ANK3: variants seen among roughly 807,000 people sequenced by gnomAD.
ANK3 encodes ankyrin 3, also known as ankyrin-3.
A neutral mutation model predicts 370.9 loss-of-function variants in ANK3; 57 were observed. That is an observed-to-expected ratio of 0.15 (90% CI 0.12 to 0.19). The LOEUF (loss-of-function observed/expected upper bound fraction) is 0.19. ANK3 is among the 10% of genes least tolerant of loss of function. The probability of loss-of-function intolerance (pLI) is 1.00; values close to 1 mark genes in which losing one functional copy is unlikely to be tolerated. For missense variants in ANK3, 4,439 were observed against 5,302.1 expected (o/e 0.84, Z 5.06); for synonymous variants, 1,929 against 1,946.3 (o/e 0.99, Z 0.23).
chr10:60,517,448 T>C (rs1225188599), intron 2 of ANK3, among the ~76,000 whole-genome samples: 1 of 152,114 alleles, frequency 6.6e-6, no homozygotes, highest in Non-Finnish European at 1.5e-5. Context: ...ATCCTGAACA[T>C]GCTCCATCTC....
intron 1 of ANK3, among the ~76,000 whole-genome samples, chr10:60,302,663 C>A (rs1377655626): frequency 6.6e-6 from 1 of 152,070 alleles, no homozygotes; most frequent in Non-Finnish European, 1.5e-5. Flanking sequence ...ACGCTGGCAG[C>A]AAATAGTAAA....
At chr10:60,492,564 G>A (rs370855988) in intron 2 of ANK3, among the ~76,000 whole-genome samples, 49 of 151,402 alleles carry the variant, frequency 3.2e-4, no homozygotes, top group Admixed American at 1.2e-3. Flanking sequence ...AAAATTAGCC[G>A]GGCATGGTGG....
chr10:60,182,063 A>AT (rs1372192474), intron 17 of ANK3, among the ~76,000 whole-genome samples: 1 of 151,362 alleles, frequency 6.6e-6, no homozygotes, highest in East Asian at 1.9e-4. Context: ...TTCAGTGTTC[A>AT]TCTACAAAAA....
At chr10:60,091,811 A>G (rs748369042) in intron 28 of ANK3, among the ~76,000 whole-genome samples, 11 of 151,954 alleles carry the variant, frequency 7.2e-5, no homozygotes, top group Non-Finnish European at 1.2e-4. Context: ...ACTCACTGCA[A>G]GCTCTGCCTC....
chr10:60,076,469 T>A, intron 36 of ANK3, 21 bp from the exon 37 acceptor site: 4 of 1,536,610 alleles, frequency 2.6e-6, no homozygotes, highest in Non-Finnish European at 3.5e-6. Flanking sequence ...AATTTTAAAA[T>A]GAAATCAAAC....
At position 60,270,160 on chromosome 10, in the gene ANK3, T is replaced by G. The variant is rs1223157870; in HGVS notation, c.484A>C (p.Asn162His). ...HLEVVKFLLD[N>H]GASQSLATED... ...GTGGCTAGGCTCTGGCTTGCACCATTGTCAAGAAGAAACTTGACAACTTCC... is the reference window on the plus strand; with the variant it reads ...GTGGCTAGGCTCTGGCTTGCACCATGGTCAAGAAGAAACTTGACAACTTCC... Residue 162 changes from asparagine to histidine, a missense_variant, in exon 5 of 44, where the codon AAT (asparagine) becomes CAT (histidine). Coordinates refer to ENST00000280772, the MANE Select transcript of ANK3 (RefSeq NM_020987.5). 6.3e-7 allele frequency: 1 copy of G among 1,599,102 alleles called. No homozygotes were observed.
intron 1 of ANK3, among the ~76,000 whole-genome samples, chr10:60,334,640 T>A (rs983679490): frequency 6.6e-6 from 1 of 152,144 alleles, no homozygotes; most frequent in Non-Finnish European, 1.5e-5. Flanking sequence ...AGTTTTCTAA[T>A]GTAAGATGAT....
At chr10:60,506,256 G>A (rs145780000) in intron 2 of ANK3, among the ~76,000 whole-genome samples, 167 of 152,060 alleles carry the variant, frequency 1.1e-3, no homozygotes, top group Middle Eastern at 6.8e-3. Flanking sequence ...CTCCTACAAG[G>A]GAAGCAACTC....
chr10:60,240,269 T>TAC (rs2097427097), intron 7 of ANK3, among the ~76,000 whole-genome samples: 1 of 125,112 alleles, frequency 8.0e-6, no homozygotes. Context: ...TACACATATA[T>TAC]ATACACACAC....
intron 37 of ANK3, 22 bp downstream of exon 37, chr10:60,068,615 A>C (rs1467574229): frequency 6.3e-7 from 1 of 1,576,586 alleles, no homozygotes; most frequent in Non-Finnish European, 8.6e-7. Flanking sequence ...TGCTCGAGAG[A>C]CCTGACTGCC....
chr10:60,313,729 CAA>C, intron 1 of ANK3, among the ~76,000 whole-genome samples: 1 of 152,230 alleles, frequency 6.6e-6, no homozygotes, highest in East Asian at 1.9e-4. Context: ...TTAGCAAAAA[CAA>C]AAAGTCCCAA....
chr10:60,439,157 C>T lies in ANK3; in HGVS notation c.97-159518G>A, dbSNP rs548624736. ...AAGAAATGATAGATTATCTAGGAGC[C>T]TTTCAAGGTGAATTTTGATGAGCCT... On this transcript the variant is annotated intron_variant, in intron 2 of 43. Coordinates refer to the ANK3 transcript ENST00000373827. Among the ~76,000 whole-genome samples, 66 of 152,226 alleles carry T rather than the reference C, an allele frequency of 4.3e-4. 1 individual carries two copies. The highest frequency in any genetic ancestry group is 1.3e-3 in the African/African-American group (53 of 41,538).
At chr10:60,209,296 A>G (rs1294736422) in intron 9 of ANK3, among the ~76,000 whole-genome samples, 5 of 152,210 alleles carry the variant, frequency 3.3e-5, no homozygotes, top group African/African-American at 1.2e-4. Context: ...TGACAGATCA[A>G]ATATGTACCA....
chr10:60,381,867 G>A lies in ANK3; in HGVS notation c.114+7558C>T, dbSNP rs1187939875. Among the ~76,000 whole-genome samples, 4 of 152,240 alleles carry A rather than the reference G, an allele frequency of 2.6e-5. 1 individual carries two copies. Among genetic ancestry groups the A allele is most frequent in the Admixed American group, 2.6e-4 (4 of 15,292 alleles). Reference sequence around the variant, plus strand: ...AGCTAATTAGTAGCAGCTTCTCTGTGAACTCACATTGAGCCTCAAGGCCCA... The same window carrying A: ...AGCTAATTAGTAGCAGCTTCTCTGTAAACTCACATTGAGCCTCAAGGCCCA... On this transcript the variant is annotated intron_variant, in intron 1 of 43. Transcript: ENST00000280772.
intron 43 of ANK3, among the ~76,000 whole-genome samples, chr10:60,037,281 G>A (rs2075223878): frequency 6.6e-6 from 1 of 152,126 alleles, no homozygotes; most frequent in Admixed American, 6.5e-5. Context: ...AAAAGACCAA[G>A]TTAGGTCCTT....
Position 60,073,028 on chromosome 10 carries a change from C to T in ANK3, c.7853G>A (p.Gly2618Asp). 6.2e-7 allele frequency: 1 copy of T among 1,614,076 alleles called. No homozygotes were observed. Among genetic ancestry groups the T allele is most frequent in the East Asian group, 2.2e-5 (1 of 44,868 alleles). Residue 2618 changes from glycine to aspartate, a missense_variant, in exon 37 of 44, where the codon GGC becomes GAC. Gly to Asp is a moderately conservative substitution (Grantham distance 94). This residue lies in a region of ANK3 where 1,601 missense variants were observed against 1,731.7 expected (regional missense o/e 0.92). Coordinates refer to ENST00000280772, the MANE Select transcript of ANK3 (RefSeq NM_020987.5). ...SPEKKARPKN[G>D]KEYSSQSPTS... ...AGGGCTTTGAGAAGAATATTCTTTGCCATTTTTAGGGCGTGCCTTTTTCTC... is the reference window on the plus strand; with the variant it reads ...AGGGCTTTGAGAAGAATATTCTTTGTCATTTTTAGGGCGTGCCTTTTTCTC...
chr10:60,311,216 C>CAATG (rs1258519110), intron 1 of ANK3, among the ~76,000 whole-genome samples: 3 of 152,072 alleles, frequency 2.0e-5, no homozygotes, highest in Non-Finnish European at 1.5e-5. Flanking sequence ...AAATAACATG[C>CAATG]AATGAAACAG....
intron 7 of ANK3, among the ~76,000 whole-genome samples, chr10:60,235,598 G>C (rs370748050): frequency 1.7e-5 from 2 of 114,856 alleles, no homozygotes; most frequent in Non-Finnish European, 3.3e-5. Context: ...ACAGAGTCTC[G>C]TTATATTGCT....
At chr10:60,350,294 A>G (rs955268651) in intron 1 of ANK3, among the ~76,000 whole-genome samples, 2 of 152,210 alleles carry the variant, frequency 1.3e-5, no homozygotes, top group African/African-American at 2.4e-5. Context: ...CCAGTTGTAT[A>G]CAGCAGTGGA....
Sources: allele counts gnomAD v4.1 joint callset (sites outside exome capture counted in the v4.1 genomes callset), GRCh38; gene constraint gnomAD v4.1.1; regional missense constraint gnomAD v4.1.1; transcripts MANE v1.5; gene names NCBI Gene and HGNC (gene_info 2026-07-23, HGNC 2026-07-21).